TENM2: variants seen among roughly 807,000 people sequenced by gnomAD.
TENM2 encodes teneurin-2.
TENM2 carries 52 observed loss-of-function variants against 245.2 expected under a neutral mutation model. The ratio of observed to expected loss-of-function variants is 0.21; its 90% CI spans 0.17 to 0.27. The LOEUF (loss-of-function observed/expected upper bound fraction) is 0.27, where lower values mean the gene tolerates loss of function less well. Ranked by LOEUF, TENM2 falls within the 10% of genes least tolerant of loss-of-function variation. The probability of loss-of-function intolerance (pLI) is 1.00; values close to 1 mark genes in which losing one functional copy is unlikely to be tolerated. For missense variants in TENM2, 3,046 were observed against 3,666.8 expected (o/e 0.83, Z 4.37); for synonymous variants, 1,363 against 1,438.9 (o/e 0.95, Z 1.19).
chr5:168,032,083 A>G (rs1787197168), intron 5 of TENM2, among the ~76,000 whole-genome samples: 1 of 152,186 alleles, frequency 6.6e-6, no homozygotes, highest in South Asian at 2.1e-4. Flanking sequence ...TCTGAGCCAG[A>G]GTCCCCAAGT....
At chr5:167,435,678 C>A (rs1764510057) in intron 2 of TENM2, among the ~76,000 whole-genome samples, 1 of 152,154 alleles carries the variant, frequency 6.6e-6, no homozygotes, top group South Asian at 2.1e-4. Context: ...GAGGCTGGAA[C>A]AGTTTGGAGG....
intron 1 of TENM2, among the ~76,000 whole-genome samples, chr5:167,305,492 C>T (rs935186626): frequency 6.6e-5 from 10 of 152,198 alleles, no homozygotes; most frequent in African/African-American, 1.4e-4. Context: ...ATCAACCCTT[C>T]TCAGGAAACT....
At chr5:166,984,573 G>T in the TENM2 span, among the ~76,000 whole-genome samples, 3 of 151,982 alleles carry the variant, frequency 2.0e-5, no homozygotes, top group South Asian at 4.1e-4. Flanking sequence ...TGTATAAGCT[G>T]CTTGCTATAT....
intron 2 of TENM2, among the ~76,000 whole-genome samples, chr5:167,391,886 A>G (rs1192713604): frequency 1.3e-5 from 2 of 152,138 alleles, no homozygotes; most frequent in Admixed American, 6.6e-5. Context: ...ATATATATCC[A>G]GGAAAGTAGA....
intron 2 of TENM2, among the ~76,000 whole-genome samples, chr5:167,774,172 G>A (rs1763587650): frequency 7.3e-6 from 1 of 137,924 alleles, no homozygotes; most frequent in African/African-American, 2.7e-5. Context: ...GAGGAAGGAA[G>A]GAAGGAAAGA....
intron 2 of TENM2, among the ~76,000 whole-genome samples, chr5:167,398,278 C>G (rs1315234034): frequency 6.6e-6 from 1 of 152,172 alleles, no homozygotes; most frequent in Non-Finnish European, 1.5e-5. Flanking sequence ...AATAAGATCT[C>G]AAAACACTAG....
At chr5:167,363,849 G>T (rs1490982483) in intron 1 of TENM2, among the ~76,000 whole-genome samples, 1 of 151,268 alleles carries the variant, frequency 6.6e-6, no homozygotes, top group Non-Finnish European at 1.5e-5. Context: ...TAAAACATTA[G>T]AATTTATCAT....
intron 2 of TENM2, among the ~76,000 whole-genome samples, chr5:167,513,848 G>A (rs1770134088): frequency 6.6e-6 from 1 of 151,950 alleles, no homozygotes; most frequent in Non-Finnish European, 1.5e-5. Flanking sequence ...CTATCGAGTT[G>A]GCGAGCAGTC....
At chr5:168,204,290 C>T in intron 18 of TENM2, 82 bp from the exon 21 acceptor site, 1 of 1,386,434 alleles carries the variant, frequency 7.2e-7, no homozygotes, top group African/African-American at 1.4e-5. Flanking sequence ...TAATTTGTCT[C>T]TTCCCCTCCC....
chr5:167,709,044 C>A (rs1392513946), intron 2 of TENM2, among the ~76,000 whole-genome samples: 7 of 152,110 alleles, frequency 4.6e-5, no homozygotes, highest in Non-Finnish European at 7.4e-5. Context: ...TACAGTCCTA[C>A]CTCATAATGA....
the TENM2 span, among the ~76,000 whole-genome samples, chr5:167,067,452 C>A: frequency 6.6e-6 from 1 of 152,200 alleles, no homozygotes; most frequent in South Asian, 2.1e-4. Flanking sequence ...CAACATTTGA[C>A]AGATTATTGT....
At chr5:167,141,283 G>T in the TENM2 span, among the ~76,000 whole-genome samples, 1 of 152,152 alleles carries the variant, frequency 6.6e-6, no homozygotes, top group Non-Finnish European at 1.5e-5. Context: ...AGCAGATGTG[G>T]CCTAAACTAT....
intron 2 of TENM2, among the ~76,000 whole-genome samples, chr5:167,382,247 T>C (rs1761133526): frequency 6.6e-6 from 1 of 152,188 alleles, no homozygotes; most frequent in Admixed American, 6.5e-5. Context: ...AATGACTTTG[T>C]GCTAATTATG....
chr5:167,818,460 C>G (rs1195888363), intron 2 of TENM2, among the ~76,000 whole-genome samples: 3 of 152,152 alleles, frequency 2.0e-5, no homozygotes, highest in Non-Finnish European at 4.4e-5. Context: ...ATGCTAAGCA[C>G]AGAGCTAACT....
intron 2 of TENM2, among the ~76,000 whole-genome samples, chr5:167,634,006 T>C (rs992377201): frequency 6.6e-6 from 1 of 152,176 alleles, no homozygotes; most frequent in African/African-American, 2.4e-5. Flanking sequence ...CCATGGGTGT[T>C]GTAACTGTGT....
intron 12 of TENM2, among the ~76,000 whole-genome samples, chr5:168,148,127 T>C (rs908925170): frequency 5.9e-5 from 9 of 152,218 alleles, no homozygotes; most frequent in African/African-American, 2.2e-4. Flanking sequence ...AAACTGCAGG[T>C]TAGCAGCTGA....
the TENM2 span, among the ~76,000 whole-genome samples, chr5:167,144,364 T>C: frequency 6.6e-6 from 1 of 152,208 alleles, no homozygotes; most frequent in Non-Finnish European, 1.5e-5. Flanking sequence ...GTTATATCAC[T>C]TCTAATTAAG....
intron 5 of TENM2, among the ~76,000 whole-genome samples, 181 bp from the exon 8 acceptor site, chr5:168,047,246 G>C (rs1788685785): frequency 6.6e-6 from 1 of 152,160 alleles, no homozygotes; most frequent in Non-Finnish European, 1.5e-5. Flanking sequence ...CAGAAGGGGA[G>C]ACCTAACCAC....
At chr5:167,839,285 C>T (rs904726024) in intron 2 of TENM2, among the ~76,000 whole-genome samples, 7 of 152,108 alleles carry the variant, frequency 4.6e-5, no homozygotes, top group Non-Finnish European at 7.3e-5. Flanking sequence ...ATCTTTGCCC[C>T]GAAGGCAACT....
Sources: gnomAD v4.1 joint callset for allele counts (sites outside exome capture counted in the v4.1 genomes callset) on GRCh38, gnomAD v4.1.1 for gene constraint, MANE v1.5 for transcripts, NCBI Gene and HGNC (gene_info 2026-07-23, HGNC 2026-07-21) for gene names.